The following MCC variants were observed in gnomAD, a reference collection of about 807,000 sequenced individuals.
MCC encodes MCC regulator of Wnt signaling pathway.
Under a neutral mutation model 116.2 loss-of-function variants are expected in MCC, and 90 were observed. That is an observed-to-expected ratio of 0.77 (90% CI 0.65 to 0.92). The LOEUF is 0.92. Ranked by LOEUF, MCC falls within the 40% of genes least tolerant of loss-of-function variation. The pLI, the probability that MCC is intolerant of heterozygous loss-of-function variation, is 0.00. For missense variants in MCC, 1,516 were observed against 1,312.2 expected (o/e 1.16, Z -2.40); for synonymous variants, 578 against 510.5 (o/e 1.13, Z -1.78).
At chr5:113,178,775 G>A (rs75304664) in intron 3 of MCC, among the ~76,000 whole-genome samples, 1,722 of 152,156 alleles carry the variant, frequency 0.011, 19 homozygotes, top group Non-Finnish European at 0.018. Context: ...TAATTAACAT[G>A]TTCTATTTTC....
intron 5 of MCC, among the ~76,000 whole-genome samples, chr5:113,142,133 A>G (rs1759213832): frequency 6.6e-6 from 1 of 152,062 alleles, no homozygotes; most frequent in African/African-American, 2.4e-5. Flanking sequence ...ACAGATGCCC[A>G]TTAGTAGCCT....
intron 3 of MCC, among the ~76,000 whole-genome samples, chr5:113,276,928 T>C (rs1392825000): frequency 2.0e-5 from 3 of 151,672 alleles, no homozygotes; most frequent in African/African-American, 7.3e-5. Context: ...TGTGAGCCAT[T>C]GCACCTGGCC....
intron 3 of MCC, among the ~76,000 whole-genome samples, chr5:113,206,855 C>A (rs1762935784): frequency 1.3e-5 from 2 of 152,192 alleles, no homozygotes; most frequent in Admixed American, 1.3e-4. Context: ...CGTAAGCTTT[C>A]CCTCATTTGA....
At chr5:113,400,588 G>A (rs974005314) in intron 1 of MCC, among the ~76,000 whole-genome samples, 1 of 152,176 alleles carries the variant, frequency 6.6e-6, no homozygotes, top group African/African-American at 2.4e-5. Flanking sequence ...CTTCTCAAAA[G>A]CAGTCTCTGC....
chr5:113,081,957 A>T (rs149492028), intron 11 of MCC, among the ~76,000 whole-genome samples: 1 of 152,156 alleles, frequency 6.6e-6, no homozygotes, highest in Non-Finnish European at 1.5e-5. Context: ...AATTCTTACA[A>T]TGCTCTCCCA....
At chr5:113,145,765 C>A (rs370156433) in intron 4 of MCC, among the ~76,000 whole-genome samples, 125 of 54,008 alleles carry the variant, frequency 2.3e-3, no homozygotes, top group East Asian at 3.1e-3. Context: ...CACACACACA[C>A]ACACACACAC....
intron 3 of MCC, among the ~76,000 whole-genome samples, chr5:113,212,556 G>A (rs1372801792): frequency 6.6e-6 from 1 of 152,130 alleles, no homozygotes; most frequent in Non-Finnish European, 1.5e-5. Context: ...GACAAAAAAT[G>A]CAAGCCTCTA....
intron 1 of MCC, among the ~76,000 whole-genome samples, chr5:113,449,270 G>C (rs538517456): frequency 4.6e-5 from 7 of 152,178 alleles, no homozygotes; most frequent in Admixed American, 1.3e-4. Flanking sequence ...TATGAGGAAA[G>C]CTAAAATAAA....
chr5:113,057,203 G>C (rs7727635), intron 14 of MCC, among the ~76,000 whole-genome samples: 70 of 152,140 alleles, frequency 4.6e-4, no homozygotes, highest in African/African-American at 1.7e-3. Context: ...TGGGTGCCAG[G>C]TCATGCAGCA....
At position 113,057,924 on chromosome 5, in the gene MCC, G is replaced by A. The variant is rs561374491; in HGVS notation, c.2214-3965C>T. On this transcript the variant is annotated intron_variant, in intron 14 of 18. Coordinates refer to ENST00000408903, the MANE Select transcript of MCC (RefSeq NM_001085377.2). ...CACAGCCTCGACATGTTTAGACAGC[G>A]TGGCGCTGGCAGACAGCAGCACTTC... 7.2e-5 allele frequency among the ~76,000 whole-genome samples: 11 copies of A among 152,358 alleles called. No homozygotes were observed. In the East Asian group the frequency reaches 1.7e-3, roughly 24 times the overall value.
chr5:113,068,308 A>G, intron 12 of MCC, 125 bp from the exon 13 acceptor site: 1 of 679,946 alleles, frequency 1.5e-6, no homozygotes, highest in South Asian at 1.7e-5. Flanking sequence ...ACAGGCAAGG[A>G]AACCACCCAT....
Position 113,133,889 on chromosome 5 carries a change from G to T in MCC, c.884+9329C>A, listed in dbSNP as rs973526855. Among the ~76,000 whole-genome samples, 6 of 152,060 alleles carry T rather than the reference G, an allele frequency of 3.9e-5. No individual in the cohort carries two copies. The South Asian group carries it at 1.2e-3, about 32-fold the overall frequency. On this transcript the variant is annotated intron_variant, in intron 5 of 18. Transcript: ENST00000408903. ...TCATTTACCTGTTGGCCATTTGTAC[G>T]TCTTCTTTTGAGCAATGTCTATTCA...
intron 2 of MCC, among the ~76,000 whole-genome samples, chr5:113,370,630 G>T (rs1368467572): frequency 6.6e-6 from 1 of 152,144 alleles, no homozygotes; most frequent in Non-Finnish European, 1.5e-5. Context: ...GTAGAATATG[G>T]ACTGATCCAT....
Position 113,034,746 on chromosome 5 carries a change from G to GAGCT in MCC, c.2757-5694_2757-5691dup, listed in dbSNP as rs150715420. Among the ~76,000 whole-genome samples, 1,278 of 152,270 alleles carry GAGCT rather than the reference G, an allele frequency of 8.4e-3. 19 individuals are homozygous for GAGCT. The highest frequency in any genetic ancestry group is 0.029 in the African/African-American group (1,207 of 41,516). On this transcript the variant is annotated intron_variant, in intron 17 of 18. Coordinates refer to ENST00000408903, the MANE Select transcript of MCC (RefSeq NM_001085377.2). ...TCTGTCTCCACTGACGTGGATCACT[G>GAGCT]AGCTCACCAGTGAGCTCCAAGTTGT...
chr5:113,137,903 C>T (rs557367414), intron 5 of MCC, among the ~76,000 whole-genome samples: 33 of 152,112 alleles, frequency 2.2e-4, no homozygotes, highest in Non-Finnish European at 2.9e-4. Flanking sequence ...GTCCATAATG[C>T]GACTTACCAC....
intron 14 of MCC, among the ~76,000 whole-genome samples, chr5:113,057,630 C>A (rs4235785): frequency 6.6e-6 from 1 of 152,338 alleles, no homozygotes; most frequent in East Asian, 1.9e-4. Flanking sequence ...GCACTGAGGA[C>A]CCCGGCTGTG....
intron 14 of MCC, among the ~76,000 whole-genome samples, chr5:113,054,183 G>A (rs1391198215): frequency 1.3e-5 from 2 of 152,206 alleles, no homozygotes; most frequent in Non-Finnish European, 2.9e-5. Flanking sequence ...CAACACTGTG[G>A]ACTCTAGAAA....
chr5:113,290,628 A>G (rs557526264), intron 3 of MCC, among the ~76,000 whole-genome samples: 20 of 152,340 alleles, frequency 1.3e-4, no homozygotes, highest in Non-Finnish European at 1.5e-5. Flanking sequence ...AACAAGATTA[A>G]ACTACATACT....
chr5:113,114,875 C>T (rs147958875), intron 6 of MCC, among the ~76,000 whole-genome samples: 84 of 152,226 alleles, frequency 5.5e-4, no homozygotes, highest in South Asian at 1.0e-3. Flanking sequence ...ATTCTTCATA[C>T]GACCTGATTT....
Sources: gnomAD v4.1 joint callset for allele counts (sites outside exome capture counted in the v4.1 genomes callset) on GRCh38, gnomAD v4.1.1 for gene constraint, MANE v1.5 for transcripts, NCBI Gene and HGNC (gene_info 2026-07-23, HGNC 2026-07-21) for gene names.